The following B4GALT6 variants were observed in gnomAD, a reference collection of about 807,000 sequenced individuals.
B4GALT6 encodes beta-1,4-galactosyltransferase 6, also known as UDP-Gal:beta-GlcNAc beta-1,4-galactosyltransferase 6.
A neutral mutation model predicts 46.3 loss-of-function variants in B4GALT6; 14 were observed. That is an observed-to-expected ratio of 0.30 (90% confidence interval 0.20 to 0.47). The LOEUF (loss-of-function observed/expected upper bound fraction) is 0.47, where lower values mean the gene tolerates loss of function less well. B4GALT6 is among the 20% of genes least tolerant of loss of function. The pLI, the probability that B4GALT6 is intolerant of heterozygous loss-of-function variation, is 0.99. For synonymous variants in B4GALT6, 168 were observed against 162.0 expected (o/e 1.04, Z -0.28); for missense variants, 386 against 480.1 (o/e 0.80, Z 1.83).
At position 31,654,940 on chromosome 18, in the gene B4GALT6, C is replaced by T. The variant is rs548984084; in HGVS notation, c.346+3036G>A. Among the ~76,000 whole-genome samples the T allele has an allele frequency of 2.6e-5, 4 of 152,290 alleles. No individual in the cohort carries two copies. In the East Asian group the frequency reaches 7.7e-4, roughly 29 times the overall value. ...AATAATAAAACTTCTAAACTCCACA[C>T]ATTTCTCCTAGGTGTCTCATTTCCT... is the stretch of plus-strand genomic sequence containing the variant. On this transcript the variant is annotated intron_variant, in intron 3 of 8. Transcript: ENST00000306851.
chr18:31,642,290 G>A (rs1460741186), intron 4 of B4GALT6, among the ~76,000 whole-genome samples: 1 of 152,108 alleles, frequency 6.6e-6, no homozygotes, highest in Non-Finnish European at 1.5e-5. Context: ...TGATCCTTCT[G>A]CCACAGTCTT....
chr18:31,698,585 C>T, the B4GALT6 span, among the ~76,000 whole-genome samples: 25 of 151,370 alleles, frequency 1.7e-4, no homozygotes, highest in South Asian at 4.2e-4. Flanking sequence ...GAGCCAAGAT[C>T]GTGCCACTGC....
At chr18:31,661,133 A>G (rs1182054635) in intron 2 of B4GALT6, among the ~76,000 whole-genome samples, 2 of 152,216 alleles carry the variant, frequency 1.3e-5, no homozygotes, top group Non-Finnish European at 2.9e-5. Context: ...GAACAATCAC[A>G]ACTAGACTCA....
At chr18:31,657,505 T>G (rs984634866) in intron 3 of B4GALT6, among the ~76,000 whole-genome samples, 2 of 152,178 alleles carry the variant, frequency 1.3e-5, no homozygotes, top group African/African-American at 4.8e-5. Flanking sequence ...AGAAAACAAT[T>G]TTCATAACCG....
chr18:31,671,591 G>T (rs2144709920), intron 1 of B4GALT6, among the ~76,000 whole-genome samples: 1 of 152,162 alleles, frequency 6.6e-6, no homozygotes, highest in African/African-American at 2.4e-5. Flanking sequence ...TTTTGATGGG[G>T]TTTTTTTCTT....
At chr18:31,699,205 A>G in the B4GALT6 span, among the ~76,000 whole-genome samples, 2 of 151,042 alleles carry the variant, frequency 1.3e-5, no homozygotes, top group Non-Finnish European at 3.0e-5. Flanking sequence ...AGAAAACATC[A>G]TGTAAAAATT....
At chr18:31,651,551 G>A (rs185780977) in intron 3 of B4GALT6, among the ~76,000 whole-genome samples, 62 of 151,934 alleles carry the variant, frequency 4.1e-4, no homozygotes, top group East Asian at 3.1e-3. Flanking sequence ...AGGGACACAC[G>A]GCCTCCTGCT....
chr18:31,698,997 G>A, the B4GALT6 span, among the ~76,000 whole-genome samples: 1 of 151,564 alleles, frequency 6.6e-6, no homozygotes, highest in Non-Finnish European at 1.5e-5. Flanking sequence ...AACCAGGGAA[G>A]TGGAGGTTGC....
the B4GALT6 span, among the ~76,000 whole-genome samples, chr18:31,713,080 C>T: frequency 6.6e-6 from 1 of 152,156 alleles, no homozygotes; most frequent in Admixed American, 6.5e-5. Context: ...GGGCCAGGCA[C>T]AATGGCCCAT....
chr18:31,647,457 C>T (rs918159579), intron 3 of B4GALT6, among the ~76,000 whole-genome samples: 6 of 152,242 alleles, frequency 3.9e-5, no homozygotes, highest in Admixed American at 1.3e-4. Flanking sequence ...TCACACTCCT[C>T]GGGGTTGTGC....
upstream of B4GALT6, chr18:31,686,547 T>G (rs1178220417): frequency 6.6e-6 from 1 of 152,208 alleles, no homozygotes; most frequent in Non-Finnish European, 1.5e-5. Flanking sequence ...GATCACCAAG[T>G]TGAAATTCAT....
chr18:31,724,637 G>C, the B4GALT6 span: 2 of 1,040,294 alleles, frequency 1.9e-6, no homozygotes, highest in Non-Finnish European at 2.3e-6. Flanking sequence ...TGCACACTGG[G>C]ATCTGAATGA....
chr18:31,642,346 A>T (rs2073940385), intron 4 of B4GALT6, among the ~76,000 whole-genome samples: 1 of 152,102 alleles, frequency 6.6e-6, no homozygotes, highest in African/African-American at 2.4e-5. Flanking sequence ...CCTGGCCAAA[A>T]ATCAGCATTT....
the B4GALT6 span, among the ~76,000 whole-genome samples, chr18:31,720,050 G>T: frequency 5.9e-5 from 9 of 152,216 alleles, no homozygotes; most frequent in African/African-American, 2.2e-4. Flanking sequence ...CAAGAAGGGG[G>T]TCTTTTCAGA....
At chr18:31,644,246 G>T (rs772319191) in intron 4 of B4GALT6, among the ~76,000 whole-genome samples, 18 of 152,134 alleles carry the variant, frequency 1.2e-4, no homozygotes, top group Non-Finnish European at 2.5e-4. Context: ...GGCCAAAAAG[G>T]CTTTTATTTG....
intron 4 of B4GALT6, among the ~76,000 whole-genome samples, chr18:31,644,278 A>T (rs1026540114): frequency 6.6e-6 from 1 of 152,222 alleles, no homozygotes. Context: ...CAATTCAACA[A>T]AACTGTGTTT....
the B4GALT6 span, among the ~76,000 whole-genome samples, chr18:31,700,468 T>TGAGTGTGTGTGAGA: frequency 6.7e-6 from 1 of 148,280 alleles, no homozygotes; most frequent in African/African-American, 2.6e-5. Context: ...TGTGTGTGTG[T>TGAGTGTGTGTGAGA]GAGAGAGAGA....
chr18:31,721,429 T>C, the B4GALT6 span, among the ~76,000 whole-genome samples: 2 of 152,078 alleles, frequency 1.3e-5, no homozygotes, highest in Non-Finnish European at 2.9e-5. Context: ...TTATAAACCA[T>C]CATGAATCAA....
rs186644077 is a variant in B4GALT6, at chr18:31,624,068, G to A, written c.*1546C>T. The A allele has an allele frequency of 9.9e-5, 15 of 151,804 alleles. No individual in the cohort carries two copies. Among genetic ancestry groups the A allele is most frequent in the African/African-American group, 2.7e-4 (11 of 41,464 alleles). The allele number at this position is 151,804 out of a possible 1,614,324, so 9.4% of individuals were successfully genotyped here. ...TAATTTTCAAAAAAGAATACTGTTC[G>A]GCTTTACTGTGGAAAAATTCATCCA... On this transcript the variant is annotated 3_prime_UTR_variant, in exon 9 of 9. Coordinates refer to ENST00000306851, the MANE Select transcript of B4GALT6 (RefSeq NM_004775.5).
Sources: gnomAD v4.1 joint callset for allele counts (sites outside exome capture counted in the v4.1 genomes callset) on GRCh38, gnomAD v4.1.1 for gene constraint, MANE v1.5 for transcripts, NCBI Gene and HGNC (gene_info 2026-07-23, HGNC 2026-07-21) for gene names.